The following SH3GL3 variants were observed in gnomAD, a reference collection of about 807,000 sequenced individuals.
SH3GL3 encodes endophilin-A3.
Under a neutral mutation model 47.7 loss-of-function variants are expected in SH3GL3, and 33 were observed. The ratio of observed to expected loss-of-function variants is 0.69; its 90% confidence interval spans 0.52 to 0.92. The LOEUF is 0.92. SH3GL3 is among the 40% of genes least tolerant of loss of function. The pLI is 0.00. For missense variants in SH3GL3, 363 were observed against 417.8 expected, an observed-to-expected ratio of 0.87 and a Z score of 1.14; for synonymous variants, 155 against 148.8, an observed-to-expected ratio of 1.04 and a Z score of -0.30.
At chr15:83,473,774 C>A (rs2040959354) in intron 1 of SH3GL3, among the ~76,000 whole-genome samples, 1 of 151,516 alleles carries the variant, frequency 6.6e-6, no homozygotes, top group Non-Finnish European at 1.5e-5. Flanking sequence ...GTCTCGATCT[C>A]CTGACCTCGT....
chr15:83,547,592 G>T (rs1044369676), intron 1 of SH3GL3, among the ~76,000 whole-genome samples: 1 of 151,766 alleles, frequency 6.6e-6, no homozygotes, highest in Non-Finnish European at 1.5e-5. Flanking sequence ...GTGGATAGTT[G>T]TTCTATTTGG....
At chr15:83,579,539 A>G (rs1193676914) in intron 6 of SH3GL3, among the ~76,000 whole-genome samples, 6 of 152,144 alleles carry the variant, frequency 3.9e-5, no homozygotes, top group Non-Finnish European at 5.9e-5. Context: ...TGTAGCTGCA[A>G]TGGCTGCTAG....
intron 1 of SH3GL3, among the ~76,000 whole-genome samples, chr15:83,503,419 A>G (rs889549489): frequency 6.6e-6 from 1 of 152,176 alleles, no homozygotes; most frequent in African/African-American, 2.4e-5. Context: ...AAAAACTACA[A>G]TTTATTTAAA....
intron 1 of SH3GL3, among the ~76,000 whole-genome samples, chr15:83,481,811 C>G (rs138912796): frequency 1.9e-3 from 291 of 152,304 alleles, no homozygotes; most frequent in African/African-American, 6.7e-3. Context: ...CTCCAAGAGG[C>G]TGTGCTCTTG....
chr15:83,539,025 T>TG (rs1210626618), intron 1 of SH3GL3, among the ~76,000 whole-genome samples: 1 of 152,144 alleles, frequency 6.6e-6, no homozygotes, highest in Non-Finnish European at 1.5e-5. Context: ...AACACTTGTG[T>TG]TGTTGTTGTT....
intron 2 of SH3GL3, among the ~76,000 whole-genome samples, chr15:83,564,696 G>A (rs936730790): frequency 6.6e-6 from 1 of 152,082 alleles, no homozygotes; most frequent in Non-Finnish European, 1.5e-5. Context: ...GATTCTTTTA[G>A]TGTTGATTAC....
rs2060693546 is a variant in SH3GL3 at position 83,612,452 on chromosome 15, T to TGGCACCTCAGC, written c.839-5627_839-5626insACCTCAGCGGC. Among the ~76,000 whole-genome samples, 3 of 152,222 alleles carry TGGCACCTCAGC rather than the reference T, an allele frequency of 2.0e-5. No individual in the cohort carries two copies. In the South Asian group the frequency reaches 6.2e-4, roughly 31 times the overall value. ...GCCCCCAGGCAGCCTCTGGCCTCAG[T>TGGCACCTCAGC]GGCCCCTCAGCACTTCCTGCTGGGG... is the stretch of plus-strand genomic sequence containing the variant. On this transcript the variant is annotated intron_variant, in intron 8 of 8. Transcript: ENST00000427482.
intron 1 of SH3GL3, among the ~76,000 whole-genome samples, chr15:83,495,971 T>TA (rs928011319): frequency 1.2e-4 from 17 of 142,140 alleles, no homozygotes; most frequent in East Asian, 7.9e-4. Flanking sequence ...AAACCCTTGT[T>TA]AAAAAAAAAA....
At chr15:83,479,211 A>G (rs1417529511) in intron 1 of SH3GL3, among the ~76,000 whole-genome samples, 1 of 152,194 alleles carries the variant, frequency 6.6e-6, no homozygotes, top group Admixed American at 6.5e-5. Flanking sequence ...TTTCATTCAT[A>G]CAGTAGGTAT....
intron 1 of SH3GL3, among the ~76,000 whole-genome samples, chr15:83,475,141 CTA>C (rs932099489): frequency 6.6e-6 from 1 of 150,444 alleles, no homozygotes; most frequent in African/African-American, 2.4e-5. Context: ...ATAAATATAA[CTA>C]TATATAAAAA....
intron 8 of SH3GL3, among the ~76,000 whole-genome samples, chr15:83,610,631 C>T (rs1359773092): frequency 6.6e-6 from 1 of 152,148 alleles, no homozygotes; most frequent in Admixed American, 6.5e-5. Context: ...GCATAGGGAT[C>T]AAGAACGTGG....
At chr15:83,597,078 T>C (rs1371867939) in intron 8 of SH3GL3, among the ~76,000 whole-genome samples, 1 of 152,236 alleles carries the variant, frequency 6.6e-6, no homozygotes, top group Non-Finnish European at 1.5e-5. Context: ...TAACACAATG[T>C]ATGATCTATT....
chr15:83,498,545 A>C (rs2042169413), intron 1 of SH3GL3, among the ~76,000 whole-genome samples: 2 of 152,148 alleles, frequency 1.3e-5, no homozygotes, highest in African/African-American at 4.8e-5. Context: ...TCAGTGATTC[A>C]CTTGGCATTG....
At chr15:83,499,064 AC>A (rs2042191128) in intron 1 of SH3GL3, among the ~76,000 whole-genome samples, 1 of 151,926 alleles carries the variant, frequency 6.6e-6, no homozygotes, top group Admixed American at 6.6e-5. Context: ...AGGAATTTTT[AC>A]CCGTTTCCTT....
At chr15:83,456,156 G>A (rs1462138135) in intron 1 of SH3GL3, among the ~76,000 whole-genome samples, 3 of 76,428 alleles carry the variant, frequency 3.9e-5, no homozygotes, top group Admixed American at 1.2e-4. Flanking sequence ...TGAGGAGGCA[G>A]TCTGCCCGTT....
chr15:83,470,582 T>G (rs2040785744), intron 1 of SH3GL3, among the ~76,000 whole-genome samples: 1 of 152,230 alleles, frequency 6.6e-6, no homozygotes, highest in Admixed American at 6.5e-5. Flanking sequence ...TAATCTACTC[T>G]ACCTGTCTTC....
At chr15:83,473,551 C>CTT (rs777552855) in intron 1 of SH3GL3, among the ~76,000 whole-genome samples, 1 of 141,832 alleles carries the variant, frequency 7.1e-6, no homozygotes. Context: ...TTTGTTGGGG[C>CTT]TTTTTTTTTT....
intron 2 of SH3GL3, among the ~76,000 whole-genome samples, chr15:83,560,215 C>A (rs1043002296): frequency 6.6e-6 from 1 of 152,198 alleles, no homozygotes; most frequent in Non-Finnish European, 1.5e-5. Flanking sequence ...GAGATGTCAG[C>A]AGGTGCTGGG....
chr15:83,475,308 T>C (rs1175381111), intron 1 of SH3GL3, among the ~76,000 whole-genome samples: 2 of 151,784 alleles, frequency 1.3e-5, no homozygotes, highest in African/African-American at 4.8e-5. Context: ...TAAAACCCTG[T>C]CTCTACTAAA....
Sources: gnomAD v4.1 joint callset for allele counts (sites outside exome capture counted in the v4.1 genomes callset) on GRCh38, gnomAD v4.1.1 for gene constraint, MANE v1.5 for transcripts, NCBI Gene and HGNC (gene_info 2026-07-23, HGNC 2026-07-21) for gene names.